The following ZHX1 variants were observed in gnomAD, a reference collection of about 807,000 sequenced individuals.
ZHX1 encodes zinc fingers and homeoboxes 1.
ZHX1 carries 20 observed loss-of-function variants against 61.8 expected under a neutral mutation model. The ratio of observed to expected loss-of-function variants is 0.32; its 90% CI spans 0.23 to 0.47. The LOEUF (loss-of-function observed/expected upper bound fraction) is 0.47, where lower values mean the gene tolerates loss of function less well. ZHX1 is among the 20% of genes least tolerant of loss of function. ZHX1 has a pLI of 1.00. For missense variants in ZHX1, 800 were observed against 1,034.8 expected (o/e 0.77, Z 3.11); for synonymous variants, 318 against 352.6 (o/e 0.90, Z 1.10).
At chr8:123,273,312 G>A (rs1467703184) in intron 1 of ZHX1, among the ~76,000 whole-genome samples, 1 of 152,118 alleles carries the variant, frequency 6.6e-6, no homozygotes, top group Non-Finnish European at 1.5e-5. Context: ...ATCTGCCAGG[G>A]CTCTTCTTTC....
Position 123,255,615 on chromosome 8 carries a change from G to A in ZHX1, c.332C>T (p.Thr111Ile). ...SYVCVECNFL[T>I]KRYDALSEHN... ...CTCAGAAAGTGCATCATACCTTTTG[G>A]TAAGAAAATTGCATTCGACACAAAC... is the stretch of plus-strand genomic sequence containing the variant. Residue 111 changes from threonine (T) to isoleucine (I), a missense_variant, in exon 3 of 4, where the codon ACC (threonine) becomes ATC (isoleucine). Physicochemically the swap from Thr to Ile is moderately conservative, Grantham distance 89 (BLOSUM62 -1). Coordinates refer to ENST00000395571, the MANE Select transcript of ZHX1 (RefSeq NM_007222.5). 1 of 1,613,422 alleles carries A rather than the reference G, an allele frequency of 6.2e-7. No homozygotes were observed. The highest frequency in any genetic ancestry group is 8.5e-7 in the Non-Finnish European group (1 of 1,180,000).
intron 1 of ZHX1, 199 bp downstream of exon 1, chr8:123,274,017 GC>G (rs1452861868): frequency 6.6e-6 from 1 of 152,358 alleles, no homozygotes; most frequent in Non-Finnish European, 1.5e-5. Flanking sequence ...CCCCTCGGAC[GC>G]CCCACGCCGG....
At chr8:123,274,654 C>T (rs1280639619), upstream of ZHX1, among the ~76,000 whole-genome samples, 1 of 151,928 alleles carries the variant, frequency 6.6e-6, no homozygotes, top group Non-Finnish European at 1.5e-5. Flanking sequence ...TGCGGAAGCT[C>T]CGCCCCCTGT....
intron 2 of ZHX1, chr8:123,262,894 T>G (rs1302886372): frequency 2.7e-5 from 4 of 150,280 alleles, no homozygotes; most frequent in Admixed American, 1.3e-4. Context: ...CGGAGAAGAT[T>G]AGCATGGCCC....
At chr8:123,264,730 G>T (rs1826394653) in intron 2 of ZHX1, among the ~76,000 whole-genome samples, 1 of 150,940 alleles carries the variant, frequency 6.6e-6, no homozygotes, top group African/African-American at 2.4e-5. Context: ...GCTAATTTTT[G>T]TATTTTTTTT....
At position 123,267,379 on chromosome 8, in the gene ZHX1, G is replaced by A. The variant is rs1826492001; in HGVS notation, c.-332C>T. The A allele has an allele frequency of 9.6e-7, 1 of 1,042,740 alleles. No individual in the cohort carries two copies. The highest frequency in any genetic ancestry group is 1.3e-6 in the Non-Finnish European group (1 of 759,658). 64.6% of individuals were successfully genotyped at this position (1,042,740 alleles called of 1,614,324 possible). A position where few individuals can be genotyped will look rare whatever the true frequency, so the allele number is the denominator to read the frequency against. On this transcript the variant is annotated 5_prime_UTR_variant, in exon 2 of 4. Coordinates refer to ENST00000395571, the MANE Select transcript of ZHX1 (RefSeq NM_007222.5). ...ACCAACAGGTCCAAAGCAGCAGTCTGTCTTCTCCTACAAAAAAGTCATATT... is the reference window on the plus strand; with the variant it reads ...ACCAACAGGTCCAAAGCAGCAGTCTATCTTCTCCTACAAAAAAGTCATATT...
chr8:123,262,609 T>G (rs1255229237), intron 2 of ZHX1, among the ~76,000 whole-genome samples: 1 of 152,202 alleles, frequency 6.6e-6, no homozygotes, highest in Admixed American at 6.5e-5. Context: ...TGCCTCCCTG[T>G]GTTGGGATTA....
chr8:123,252,713 TA>T (rs1173267563), intron 3 of ZHX1: 18 of 152,128 alleles, frequency 1.2e-4, no homozygotes, highest in African/African-American at 4.3e-4. Context: ...TGAGTAATTT[TA>T]TAAATTACTA....
intron 3 of ZHX1, among the ~76,000 whole-genome samples, chr8:123,250,711 AC>A (rs1825893451): frequency 6.6e-6 from 1 of 152,346 alleles, no homozygotes; most frequent in South Asian, 2.1e-4. Flanking sequence ...GGTTTTGGTA[AC>A]TTTTTTGGTA....
upstream of ZHX1, among the ~76,000 whole-genome samples, chr8:123,274,801 T>C (rs1010265862): frequency 1.3e-5 from 2 of 152,082 alleles, no homozygotes; most frequent in African/African-American, 2.4e-5. Flanking sequence ...CGCTCCGCCT[T>C]CCTAATGTCA....
Position 123,249,634 on chromosome 8 carries a change from A to G in ZHX1, c.*690T>C, listed in dbSNP as rs1016045524. ...TTAATAAAAAGCAAATCAGCTTCTA[A>G]TGGAACAAGTAACAGTAGAAACAGT... is the stretch of plus-strand genomic sequence containing the variant. On this transcript the variant is annotated 3_prime_UTR_variant, in exon 4 of 4. Transcript: ENST00000395571. The G allele has an allele frequency of 1.3e-5, 2 of 152,134 alleles. No homozygotes were observed. The highest frequency in any genetic ancestry group is 2.9e-5 in the Non-Finnish European group (2 of 67,968). The allele number at this position is 152,134 out of a possible 1,614,324, so 9.4% of individuals were successfully genotyped here.
At chr8:123,272,925 AC>A (rs1472155939) in intron 1 of ZHX1, among the ~76,000 whole-genome samples, 1 of 151,100 alleles carries the variant, frequency 6.6e-6, no homozygotes, top group African/African-American at 2.4e-5. Flanking sequence ...TCACATCACG[AC>A]TTCTCTCTCA....
chr8:123,253,293 T>C lies in ZHX1; in HGVS notation c.*3+29A>G, dbSNP rs192588094. ...AAAATGTATGTGGTTGATGAACATA[T>C]ACGCAGATTAAAAATTTTCTTAACT... On this transcript the variant is annotated intron_variant, in intron 3 of 3. Transcript: ENST00000395571. 48 of 1,531,670 alleles carry C rather than the reference T, an allele frequency of 3.1e-5. No homozygotes were observed. In the East Asian group the frequency reaches 7.2e-4, roughly 23 times the overall value. 94.9% of individuals were successfully genotyped at this position (1,531,670 alleles called of 1,614,324 possible). A position where few individuals can be genotyped will look rare whatever the true frequency, so the allele number is the denominator to read the frequency against.
intron 3 of ZHX1, chr8:123,252,298 T>G (rs1825941496): frequency 6.6e-6 from 1 of 152,238 alleles, no homozygotes; most frequent in Non-Finnish European, 1.5e-5. Context: ...AATAAAACTA[T>G]GTTATTAAAT....
rs747515466 is a variant in ZHX1 at position 123,253,559 on chromosome 8, A to G, written c.2388T>C (p.Asn796=). The part of the protein sequence containing the change: ...KDYYLKHKFL[N]EQDLDELVNK... ...TAACAAGTTCATCAAGGTCTTGCTC[A>G]TTAAGAAACTTGTGCTTCAGGTAAT... The change falls in exon 3 of 4, where the codon AAT becomes AAC. Residue 796 remains asparagine, a synonymous_variant. Transcript: ENST00000395571. 101 of 1,614,100 alleles carry G rather than the reference A, an allele frequency of 6.3e-5. No homozygotes were observed. The highest frequency in any genetic ancestry group is 8.4e-5 in the Non-Finnish European group (99 of 1,180,030).
intron 1 of ZHX1, among the ~76,000 whole-genome samples, chr8:123,268,836 A>C (rs1826550047): frequency 6.6e-6 from 1 of 152,194 alleles, no homozygotes; most frequent in Non-Finnish European, 1.5e-5. Context: ...ATAATGAATA[A>C]ATATTAAGGA....
chr8:123,268,349 T>C (rs1424077607), intron 1 of ZHX1, among the ~76,000 whole-genome samples: 3 of 152,230 alleles, frequency 2.0e-5, no homozygotes, highest in Non-Finnish European at 4.4e-5. Flanking sequence ...AAAATAATTC[T>C]CTGAAAATTC....
intron 2 of ZHX1, among the ~76,000 whole-genome samples, chr8:123,262,303 G>A (rs1273354967): frequency 6.6e-6 from 1 of 152,016 alleles, no homozygotes; most frequent in East Asian, 1.9e-4. Flanking sequence ...ATAATCTTAA[G>A]AGTAATTAAG....
At chr8:123,260,607 AC>A (rs1826220199) in intron 2 of ZHX1, among the ~76,000 whole-genome samples, 1 of 151,774 alleles carries the variant, frequency 6.6e-6, no homozygotes, top group Non-Finnish European at 1.5e-5. Flanking sequence ...CAAAAAAAAA[AC>A]AAAAAACAAA....
Sources: allele counts gnomAD v4.1 joint callset (sites outside exome capture counted in the v4.1 genomes callset), GRCh38; gene constraint gnomAD v4.1.1; transcripts MANE v1.5; gene names NCBI Gene and HGNC (gene_info 2026-07-23, HGNC 2026-07-21).